The following FNDC3B variants were observed in gnomAD, a reference collection of about 807,000 sequenced individuals.
The protein encoded by FNDC3B is fibronectin type III domain containing 3B.
Under a neutral mutation model 151.5 loss-of-function variants are expected in FNDC3B, and 12 were observed. The observed-to-expected ratio is 0.08, with a 90% CI of 0.05 to 0.13. The LOEUF (loss-of-function observed/expected upper bound fraction) is 0.13, where lower values mean the gene tolerates loss of function less well. Ranked by LOEUF, FNDC3B falls within the 10% of genes least tolerant of loss-of-function variation. The pLI is 1.00. For synonymous variants in FNDC3B, 528 were observed against 549.0 expected (o/e 0.96, Z 0.54); for missense variants, 1,214 against 1,505.3 (o/e 0.81, Z 3.20).
chr3:172,150,879 C>A (rs1199735166), intron 3 of FNDC3B, among the ~76,000 whole-genome samples: 1 of 151,888 alleles, frequency 6.6e-6, no homozygotes, highest in Non-Finnish European at 1.5e-5. Context: ...TCAAATAATC[C>A]ATAAAATACA....
chr3:172,048,473 T>C (rs192988649), intron 1 of FNDC3B, among the ~76,000 whole-genome samples: 28 of 152,304 alleles, frequency 1.8e-4, no homozygotes, highest in Admixed American at 1.8e-3. Context: ...TACTTAAATA[T>C]ATTGAGCTGG....
At chr3:172,067,103 C>T (rs574830197) in intron 1 of FNDC3B, among the ~76,000 whole-genome samples, 4 of 152,222 alleles carry the variant, frequency 2.6e-5, no homozygotes, top group South Asian at 2.1e-4. Flanking sequence ...AGACTTGGTC[C>T]GCAGTCTCCT....
rs1736386674 is a variant in FNDC3B at position 172,398,111 on chromosome 3, T to A, written c.*636T>A. 1 of 152,666 alleles carries A rather than the reference T, an allele frequency of 6.6e-6. No individual in the cohort carries two copies. The highest frequency in any genetic ancestry group is 2.1e-4 in the South Asian group (1 of 4,834). 9.5% of individuals were successfully genotyped at this position (152,666 alleles called of 1,614,324 possible). On this transcript the variant is annotated 3_prime_UTR_variant, in exon 26 of 26. Transcript: ENST00000415807. ...TATAATTTTAACACTATGAGCTGCC[T>A]GTATAAGAAATCAAGTAACCAGAAT...
Position 172,247,538 on chromosome 3 carries a change from T to G in FNDC3B, c.270T>G (p.Ile90Met). The change falls in exon 5 of 26, where the codon ATT (isoleucine) becomes ATG (methionine). Residue 90 changes from isoleucine to methionine, a missense_variant. Around this residue, in one of 7 missense-constraint regions of FNDC3B, gnomAD observed 113 missense variants for 177.8 expected, o/e 0.64. Coordinates refer to ENST00000415807, the MANE Select transcript of FNDC3B (RefSeq NM_022763.4). ...HVPPGYISQV[I>M]EDSTGVRRVV... The stretch of plus-strand genomic sequence containing the variant: ...CCTTTTGTGTTTTTCTTTAGGTGAT[T>G]GAAGATAGTACTGGAGTCCGCCGGG... 6.2e-7 allele frequency: 1 copy of G among 1,613,844 alleles called. No homozygotes were observed. Among genetic ancestry groups the G allele is most frequent in the Non-Finnish European group, 8.5e-7 (1 of 1,179,750 alleles).
chr3:172,374,993 T>C (rs1224194670), intron 23 of FNDC3B, among the ~76,000 whole-genome samples: 9 of 73,336 alleles, frequency 1.2e-4, no homozygotes, highest in Admixed American at 1.8e-4. Context: ...CTGTGATAAA[T>C]GATTTTCATA....
intron 1 of FNDC3B, among the ~76,000 whole-genome samples, chr3:172,056,003 A>G (rs1413696969): frequency 6.6e-6 from 1 of 152,002 alleles, no homozygotes; most frequent in Admixed American, 6.6e-5. Context: ...GGATGGTCTC[A>G]GTCTCCTGAC....
At chr3:172,247,402 G>C in intron 4 of FNDC3B, 131 bp from the exon 5 acceptor site, 1 of 959,288 alleles carries the variant, frequency 1.0e-6, no homozygotes, top group Non-Finnish European at 1.6e-6. Flanking sequence ...TAGAGAACCA[G>C]AATACAACAT....
At chr3:172,231,287 G>A (rs1269721159) in intron 4 of FNDC3B, among the ~76,000 whole-genome samples, 2 of 152,202 alleles carry the variant, frequency 1.3e-5, no homozygotes, top group East Asian at 3.8e-4. Context: ...ATCAATGGTT[G>A]CCAGGAGTTG....
chr3:172,333,948 A>G (rs1321738843), intron 14 of FNDC3B, among the ~76,000 whole-genome samples: 1 of 151,994 alleles, frequency 6.6e-6, no homozygotes, highest in African/African-American at 2.4e-5. Context: ...ATGTTACTAT[A>G]GGACTATGTG....
intron 22 of FNDC3B, among the ~76,000 whole-genome samples, chr3:172,354,216 T>C (rs2108327668): frequency 6.6e-6 from 1 of 152,166 alleles, no homozygotes; most frequent in African/African-American, 2.4e-5. Context: ...TACATACCCA[T>C]TTCTGTTTAT....
intron 4 of FNDC3B, among the ~76,000 whole-genome samples, chr3:172,243,754 T>C (rs919093202): frequency 6.6e-6 from 1 of 152,216 alleles, no homozygotes; most frequent in Non-Finnish European, 1.5e-5. Context: ...ACTGTTGGAT[T>C]AGAGTCTACC....
rs145599655 is a variant in FNDC3B at position 172,093,589 on chromosome 3, G to T, written c.-28-18863G>T. Among the ~76,000 whole-genome samples the T allele has an allele frequency of 5.3e-5, 8 of 152,198 alleles. No individual in the cohort carries two copies. In the East Asian group the frequency reaches 1.5e-3, roughly 29 times the overall value. ...AATTTTTAAATATTTTAGAGAGTGG[G>T]TCTCTTACTGTGTCGCCCAGGGTGG... On this transcript the variant is annotated intron_variant, in intron 1 of 25. Transcript: ENST00000415807.
chr3:172,352,147 AAGC>A lies in FNDC3B; in HGVS notation c.2515-650_2515-648del, dbSNP rs1256976908. ...GTGGCAACCAGGAAAGGTGATTGAG[AAGC>A]AGCAGGAGGTAAGGTAGGAGGAGAA... On this transcript the variant is annotated intron_variant, in intron 21 of 25. Transcript: ENST00000415807. The surrounding 1 kb of genome is among the most constrained non-coding windows in gnomAD (Gnocchi z 4.2). 3.9e-5 allele frequency among the ~76,000 whole-genome samples: 6 copies of A among 152,160 alleles called. No individual in the cohort carries two copies. The highest frequency in any genetic ancestry group is 1.4e-4 in the African/African-American group (6 of 41,422).
chr3:172,097,316 T>C (rs1261790733), intron 1 of FNDC3B, among the ~76,000 whole-genome samples: 1 of 152,214 alleles, frequency 6.6e-6, no homozygotes, highest in African/African-American at 2.4e-5. Flanking sequence ...GTTTTGTAAA[T>C]GTTACCAAAT....
At chr3:172,075,724 AACACACACAC>A (rs57920659) in intron 1 of FNDC3B, among the ~76,000 whole-genome samples, 57,159 of 146,802 alleles carry the variant, frequency 0.39, 11,752 homozygotes, top group East Asian at 0.57. Flanking sequence ...TAGCCCAGTA[AACACACACAC>A]ACACACACAC....
intron 1 of FNDC3B, among the ~76,000 whole-genome samples, chr3:172,100,090 A>C (rs1719309119): frequency 6.6e-6 from 1 of 152,230 alleles, no homozygotes; most frequent in African/African-American, 2.4e-5. Flanking sequence ...AGAAGTACTA[A>C]AATTGAATTG....
At chr3:172,150,989 G>T (rs754243992) in intron 3 of FNDC3B, among the ~76,000 whole-genome samples, 2 of 152,000 alleles carry the variant, frequency 1.3e-5, no homozygotes, top group Non-Finnish European at 2.9e-5. Flanking sequence ...TTGTGTGTAT[G>T]AAAAAATTGA....
rs112002468 is a variant in FNDC3B at position 172,295,609 on chromosome 3, G to A, written c.1001+95G>A. 17 of 1,187,404 alleles carry A rather than the reference G, an allele frequency of 1.4e-5. 1 individual carries two copies. The African/African-American group carries it at 2.2e-4, about 15-fold the overall frequency. 73.6% of individuals were successfully genotyped at this position (1,187,404 alleles called of 1,614,324 possible). On this transcript the variant is annotated intron_variant, in intron 8 of 25. Coordinates refer to ENST00000415807, the MANE Select transcript of FNDC3B (RefSeq NM_022763.4). ...AACAAAGGAAAACCTTATAGGCTTG[G>A]CAAATTTTCCTTTAGTTTATTTTAA...
rs147441520 is a variant in FNDC3B at position 172,354,290 on chromosome 3, A to C, written c.2795+1207A>C. Reference sequence around the variant, plus strand: ...TTTAAATTGTTTCCAATTTTAATCCATTGTTCACTAAATCTGAATTACATT... The same window carrying C: ...TTTAAATTGTTTCCAATTTTAATCCCTTGTTCACTAAATCTGAATTACATT... On this transcript the variant is annotated intron_variant, in intron 22 of 25. Transcript: ENST00000415807. 7.0e-3 allele frequency among the ~76,000 whole-genome samples: 1,060 copies of C among 152,094 alleles called. 13 individuals are homozygous for C. Among genetic ancestry groups the C allele is most frequent in the African/African-American group, 0.024 (1,012 of 41,538 alleles).
Sources: allele counts gnomAD v4.1 joint callset (sites outside exome capture counted in the v4.1 genomes callset), GRCh38; gene constraint gnomAD v4.1.1; regional missense constraint gnomAD v4.1.1; non-coding constraint Gnocchi (gnomAD v3.1); transcripts MANE v1.5; gene names NCBI Gene and HGNC (gene_info 2026-07-23, HGNC 2026-07-21).